The following JARID2 variants were observed in gnomAD, a reference collection of about 807,000 sequenced individuals.
JARID2 encodes the protein protein Jumonji.
Under a neutral mutation model 125.6 loss-of-function variants are expected in JARID2, and 21 were observed. That is an observed-to-expected ratio of 0.17 (90% CI 0.12 to 0.24). The LOEUF (loss-of-function observed/expected upper bound fraction) is 0.24, where lower values mean the gene tolerates loss of function less well. Ranked by LOEUF, JARID2 falls within the 10% of genes least tolerant of loss-of-function variation. The probability of loss-of-function intolerance (pLI) is 1.00; values close to 1 mark genes in which losing one functional copy is unlikely to be tolerated. For missense variants in JARID2, 1,303 were observed against 1,639.6 expected (o/e 0.79, Z 3.55); for synonymous variants, 736 against 661.6 (o/e 1.11, Z -1.73).
chr6:15,508,543 G>A (rs1771117366), intron 12 of JARID2, 89 bp downstream of exon 12: 2 of 746,458 alleles, frequency 2.7e-6, no homozygotes, highest in African/African-American at 1.7e-5. Flanking sequence ...TCTTGTCCAG[G>A]TGGTTCCACG....
At chr6:15,306,270 C>G (rs1350585941) in intron 1 of JARID2, among the ~76,000 whole-genome samples, 4 of 151,840 alleles carry the variant, frequency 2.6e-5, no homozygotes, top group African/African-American at 9.7e-5. Context: ...CTCAAGAATT[C>G]CTTCCCCCTG....
intron 7 of JARID2, among the ~76,000 whole-genome samples, chr6:15,499,846 G>T (rs1770646359): frequency 6.6e-6 from 1 of 152,092 alleles, no homozygotes; most frequent in Admixed American, 6.5e-5. Context: ...GGTCTTGCTG[G>T]TGTGCTGGGA....
chr6:15,328,177 C>T (rs1762594119), intron 1 of JARID2, among the ~76,000 whole-genome samples: 2 of 152,196 alleles, frequency 1.3e-5, no homozygotes, highest in African/African-American at 4.8e-5. Context: ...GAAGGGCTTT[C>T]CAGGACCTCT....
chr6:15,265,378 AAC>A (rs1233856914), intron 1 of JARID2, among the ~76,000 whole-genome samples: 6 of 151,056 alleles, frequency 4.0e-5, no homozygotes, highest in Admixed American at 2.0e-4. Flanking sequence ...AAAAAAAAAA[AAC>A]AAAAAAAAAC....
At chr6:15,457,621 C>G (rs1475535770) in intron 4 of JARID2, among the ~76,000 whole-genome samples, 1 of 145,834 alleles carries the variant, frequency 6.9e-6, no homozygotes, top group East Asian at 2.0e-4. Flanking sequence ...TTTTTTTTTC[C>G]CTTCTCCAGT....
chr6:15,248,205 C>A, intron 1 of JARID2: 7 of 555,584 alleles, frequency 1.3e-5, no homozygotes, highest in Non-Finnish European at 1.6e-5. Flanking sequence ...CCGACGTCCT[C>A]GAGCCGGCTG....
At chr6:15,508,650 G>C (rs1771122312) in intron 12 of JARID2, among the ~76,000 whole-genome samples, 196 bp downstream of exon 12, 1 of 152,226 alleles carries the variant, frequency 6.6e-6, no homozygotes, top group African/African-American at 2.4e-5. Flanking sequence ...GAGTTGGGGT[G>C]CTGGAGAATG....
chr6:15,417,694 A>T (rs1213095079), intron 3 of JARID2, among the ~76,000 whole-genome samples: 2 of 152,172 alleles, frequency 1.3e-5, no homozygotes, highest in Non-Finnish European at 2.9e-5. Context: ...GTTAGCTGTG[A>T]TCGTGCCATC....
chr6:15,247,209 A>G (rs1316186412), intron 1 of JARID2, among the ~76,000 whole-genome samples: 1 of 152,214 alleles, frequency 6.6e-6, no homozygotes, highest in Non-Finnish European at 1.5e-5. Flanking sequence ...TTCCAGTTGT[A>G]GGGGAAAAGG....
intron 5 of JARID2, among the ~76,000 whole-genome samples, chr6:15,474,568 A>T (rs1769250217): frequency 6.6e-6 from 1 of 151,854 alleles, no homozygotes; most frequent in Non-Finnish European, 1.5e-5. Flanking sequence ...AGCATGATAG[A>T]GTAGATTAGC....
intron 1 of JARID2, among the ~76,000 whole-genome samples, chr6:15,334,781 G>T (rs931355563): frequency 1.3e-5 from 2 of 152,110 alleles, no homozygotes. Flanking sequence ...ATAAAACTTG[G>T]GGTACTGTGG....
At chr6:15,481,593 A>G (rs1273094008) in intron 5 of JARID2, among the ~76,000 whole-genome samples, 3 of 151,938 alleles carry the variant, frequency 2.0e-5, no homozygotes, top group Admixed American at 2.0e-4. Context: ...TACAAAATAT[A>G]CCTTGTCTTT....
intron 2 of JARID2, among the ~76,000 whole-genome samples, chr6:15,386,322 A>ATG (rs1191494556): frequency 7.2e-6 from 1 of 138,254 alleles, no homozygotes; most frequent in Non-Finnish European, 1.5e-5. Context: ...GTGTGTGTGT[A>ATG]TGTGTGTGTT....
chr6:15,391,937 T>G (rs919189110), intron 2 of JARID2, among the ~76,000 whole-genome samples: 1 of 152,122 alleles, frequency 6.6e-6, no homozygotes, highest in Non-Finnish European at 1.5e-5. Flanking sequence ...TTGCAGAATG[T>G]GGAGGGAAGC....
At chr6:15,349,704 C>G (rs868233761) in intron 1 of JARID2, among the ~76,000 whole-genome samples, 9 of 152,122 alleles carry the variant, frequency 5.9e-5, no homozygotes, top group Admixed American at 1.3e-4. Context: ...AGTTCCTCTC[C>G]CCCACCACCC....
At chr6:15,423,795 C>G (rs1450750197) in intron 3 of JARID2, among the ~76,000 whole-genome samples, 2 of 152,140 alleles carry the variant, frequency 1.3e-5, no homozygotes, top group East Asian at 3.9e-4. Flanking sequence ...CCCTTGGGGC[C>G]GTGATAGGGA....
intron 1 of JARID2, among the ~76,000 whole-genome samples, chr6:15,263,615 CAG>C (rs1251105911): frequency 7.6e-6 from 1 of 131,362 alleles, no homozygotes; most frequent in East Asian, 2.3e-4. Context: ...TTTTTTGAGA[CAG>C]AGTCTCACTT....
intron 8 of JARID2, among the ~76,000 whole-genome samples, chr6:15,502,881 C>A (rs1468700342): frequency 3.9e-5 from 6 of 152,188 alleles, no homozygotes; most frequent in African/African-American, 1.4e-4. Context: ...CTCTGAGGAA[C>A]TTTATTTGGT....
intron 3 of JARID2, among the ~76,000 whole-genome samples, chr6:15,451,743 G>T (rs1767930209): frequency 6.6e-6 from 1 of 152,162 alleles, no homozygotes; most frequent in African/African-American, 2.4e-5. Flanking sequence ...ACATAGGCAT[G>T]TATTTCTACA....
Sources: allele counts gnomAD v4.1 joint callset (sites outside exome capture counted in the v4.1 genomes callset), GRCh38; gene constraint gnomAD v4.1.1; transcripts MANE v1.5; gene names NCBI Gene and HGNC (gene_info 2026-07-23, HGNC 2026-07-21).